The following PLA2G4E variants were observed in gnomAD, a reference collection of about 807,000 sequenced individuals.
PLA2G4E encodes phospholipase A2 group IVE.
A neutral mutation model predicts 109.1 loss-of-function variants in PLA2G4E; 84 were observed. The observed-to-expected ratio is 0.77, with a 90% CI of 0.65 to 0.92. PLA2G4E has a LOEUF of 0.92. PLA2G4E is among the 40% of genes least tolerant of loss of function. PLA2G4E has a pLI of 0.00. For synonymous variants in PLA2G4E, 469 were observed against 436.1 expected (o/e 1.08, Z -0.94); for missense variants, 1,057 against 1,076.6 (o/e 0.98, Z 0.25).
At chr15:42,045,376 T>C (rs1225819873) in intron 1 of PLA2G4E, among the ~76,000 whole-genome samples, 1 of 151,554 alleles carries the variant, frequency 6.6e-6, no homozygotes, top group African/African-American at 2.4e-5. Context: ...GCCCCTGGAG[T>C]GGGCGGAGGC....
intron 1 of PLA2G4E, among the ~76,000 whole-genome samples, chr15:42,042,066 T>C (rs1012412273): frequency 6.6e-6 from 1 of 152,196 alleles, no homozygotes; most frequent in African/African-American, 2.4e-5. Context: ...TGACATTTTC[T>C]AGGCTTTTGG....
At chr15:42,046,931 T>C (rs532465510) in intron 1 of PLA2G4E, among the ~76,000 whole-genome samples, 7 of 152,122 alleles carry the variant, frequency 4.6e-5, no homozygotes, top group Non-Finnish European at 1.0e-4. Flanking sequence ...GATGACAATA[T>C]GCTACTCAGT....
chr15:42,017,831 C>T (rs1316312148), intron 1 of PLA2G4E, among the ~76,000 whole-genome samples: 1 of 152,246 alleles, frequency 6.6e-6, no homozygotes, highest in Non-Finnish European at 1.5e-5. Context: ...GGATATCCCT[C>T]TCTTTTTAAA....
At chr15:41,983,771 C>T (rs1288691820) in exon 20 of PLA2G4E, 2 of 1,595,982 alleles carry the variant, frequency 1.3e-6, no homozygotes, top group South Asian at 2.3e-5. Context: ...GGACACTGGC[C>T]CTTCAGGCGC....
At chr15:42,019,895 C>T (rs1668560) in intron 1 of PLA2G4E, among the ~76,000 whole-genome samples, 132,592 of 152,266 alleles carry the variant, frequency 0.87, 58,175 homozygotes, top group African/African-American at 0.96. Flanking sequence ...TTTGGGGTCC[C>T]GGGCTCTTAA....
intron 2 of PLA2G4E, 86 bp downstream of exon 2, chr15:42,013,599 G>A (rs970928999): frequency 1.3e-4 from 177 of 1,327,804 alleles, no homozygotes; most frequent in Non-Finnish European, 1.7e-4. Context: ...ACACACACAC[G>A]GATCCACCTG....
intron 1 of PLA2G4E, among the ~76,000 whole-genome samples, chr15:42,029,020 G>A (rs751709896): frequency 2.6e-5 from 4 of 152,188 alleles, no homozygotes; most frequent in Non-Finnish European, 5.9e-5. Context: ...TGTCATCAAT[G>A]TATCTGGCTC....
chr15:42,014,654 G>C (rs2068571338), intron 1 of PLA2G4E, among the ~76,000 whole-genome samples: 1 of 152,174 alleles, frequency 6.6e-6, no homozygotes, highest in African/African-American at 2.4e-5. Context: ...CTCCAGCCCA[G>C]GCCTTTGCAT....
At position 42,019,619 on chromosome 15, in the gene PLA2G4E, G is replaced by C. The variant is rs186031308; in HGVS notation, c.184-5862C>G. The stretch of plus-strand genomic sequence containing the variant: ...CCATGCAACACCTGTGTCAGAGCTT[G>C]GACTAGCCAGGTGCTGTCTTCCAGA... On this transcript the variant is annotated intron_variant, in intron 1 of 19. Transcript: ENST00000399518. Among the ~76,000 whole-genome samples, 22 of 152,308 alleles carry C rather than the reference G, an allele frequency of 1.4e-4. No individual in the cohort carries two copies. The East Asian group carries it at 3.3e-3, about 23-fold the overall frequency.
chr15:42,043,317 A>G (rs944827937), intron 1 of PLA2G4E, among the ~76,000 whole-genome samples: 11 of 152,022 alleles, frequency 7.2e-5, no homozygotes, highest in African/African-American at 2.7e-4. Context: ...GGCAGGGAGG[A>G]GGGAACAGGG....
At chr15:42,031,946 A>G (rs1488249376) in intron 1 of PLA2G4E, among the ~76,000 whole-genome samples, 33 of 152,174 alleles carry the variant, frequency 2.2e-4, no homozygotes, top group Non-Finnish European at 5.9e-5. Context: ...AGTGGGAAGT[A>G]TTTGGGTCAT....
chr15:42,012,937 C>G (rs1464638470), intron 2 of PLA2G4E, among the ~76,000 whole-genome samples: 1 of 152,164 alleles, frequency 6.6e-6, no homozygotes, highest in Non-Finnish European at 1.5e-5. Flanking sequence ...CTGGATGGGG[C>G]CAGGGGTGGG....
intron 13 of PLA2G4E, among the ~76,000 whole-genome samples, chr15:41,990,974 T>A (rs1387632178): frequency 2.6e-5 from 4 of 151,890 alleles, no homozygotes; most frequent in Non-Finnish European, 4.4e-5. Context: ...GTCACCCCAG[T>A]GTGCAAAGGC....
intron 2 of PLA2G4E, 138 bp from the exon 3 acceptor site, chr15:42,008,003 TC>T: frequency 1.0e-6 from 1 of 989,648 alleles, no homozygotes; most frequent in Non-Finnish European, 1.5e-6. Flanking sequence ...GGTCTAACTT[TC>T]CAGAGACTCA....
chr15:41,984,091 A>G, intron 19 of PLA2G4E, 117 bp from the exon 20 acceptor site: 2 of 929,678 alleles, frequency 2.2e-6, no homozygotes, highest in South Asian at 3.1e-5. Context: ...CACCTGCATG[A>G]AAACCTGTAC....
intron 1 of PLA2G4E, among the ~76,000 whole-genome samples, chr15:42,023,476 T>G (rs774987915): frequency 6.6e-6 from 1 of 152,042 alleles, no homozygotes; most frequent in Non-Finnish European, 1.5e-5. Context: ...GGATGATTGA[T>G]GTTGAAACAA....
intron 1 of PLA2G4E, among the ~76,000 whole-genome samples, chr15:42,014,173 T>C (rs1668563): frequency 0.58 from 87,531 of 151,906 alleles, 25,786 homozygotes; most frequent in East Asian, 0.8. Flanking sequence ...ATTACAGGCA[T>C]GAGCCACCAC....
chr15:42,042,618 A>G (rs766689220), intron 1 of PLA2G4E, among the ~76,000 whole-genome samples: 2 of 152,124 alleles, frequency 1.3e-5, no homozygotes, highest in Non-Finnish European at 2.9e-5. Flanking sequence ...ATCTTCTCCC[A>G]TGGCCATCCT....
At chr15:42,013,305 C>T (rs1042265285) in intron 2 of PLA2G4E, among the ~76,000 whole-genome samples, 1 of 152,138 alleles carries the variant, frequency 6.6e-6, no homozygotes, top group Non-Finnish European at 1.5e-5. Flanking sequence ...AGGCCCTAAC[C>T]GAAAGGAGGA....
Sources: gnomAD v4.1 joint callset for allele counts (sites outside exome capture counted in the v4.1 genomes callset) on GRCh38, gnomAD v4.1.1 for gene constraint, MANE v1.5 for transcripts, NCBI Gene and HGNC (gene_info 2026-07-23, HGNC 2026-07-21) for gene names.